The following MED13L variants were observed in gnomAD, a reference collection of about 807,000 sequenced individuals.
MED13L encodes mediator of RNA polymerase II transcription subunit 13-like.
MED13L carries 7 observed loss-of-function variants against 220.9 expected under a neutral mutation model. That is an observed-to-expected ratio of 0.03 (90% CI 0.02 to 0.06). MED13L has a LOEUF of 0.06. Ranked by LOEUF, MED13L falls within the 10% of genes least tolerant of loss-of-function variation. The pLI, the probability that MED13L is intolerant of heterozygous loss-of-function variation, is 1.00. For missense variants in MED13L, 1,965 were observed against 2,760.5 expected, an observed-to-expected ratio of 0.71 and a Z score of 6.46; for synonymous variants, 1,011 against 1,015.2, an observed-to-expected ratio of 1.00 and a Z score of 0.08.
At chr12:116,031,705 GAA>G (rs1373733503) in intron 4 of MED13L, among the ~76,000 whole-genome samples, 3 of 32,980 alleles carry the variant, frequency 9.1e-5, no homozygotes, top group African/African-American at 2.9e-4. Context: ...GAAAAGAAAA[GAA>G]AAGAAAAGAA....
intron 14 of MED13L, among the ~76,000 whole-genome samples, chr12:116,000,045 AGT>A (rs1470896649): frequency 2.0e-5 from 3 of 152,250 alleles, no homozygotes. Flanking sequence ...TATGCTCAGA[AGT>A]GAACACTTTG....
intron 2 of MED13L, among the ~76,000 whole-genome samples, chr12:116,156,585 G>T (rs1429256119): frequency 1.3e-5 from 2 of 151,978 alleles, no homozygotes; most frequent in African/African-American, 4.8e-5. Flanking sequence ...ATGCATCAAA[G>T]GTATAAACTA....
At chr12:115,973,755 C>G (rs1462285870) in intron 25 of MED13L, among the ~76,000 whole-genome samples, 6 of 152,082 alleles carry the variant, frequency 3.9e-5, no homozygotes, top group African/African-American at 1.4e-4. Flanking sequence ...GACCTCCAGG[C>G]TCTTGATACA....
chr12:115,974,758 A>G (rs969744563), intron 25 of MED13L, among the ~76,000 whole-genome samples: 3 of 152,186 alleles, frequency 2.0e-5, no homozygotes, highest in Non-Finnish European at 2.9e-5. Flanking sequence ...AAAACTAAAG[A>G]AACACAAAAC....
chr12:116,130,683 G>A (rs984557909), intron 2 of MED13L, among the ~76,000 whole-genome samples: 1 of 150,404 alleles, frequency 6.6e-6, no homozygotes, highest in Non-Finnish European at 1.5e-5. Flanking sequence ...TTCCTGTGAT[G>A]TACTGTATGG....
intron 2 of MED13L, among the ~76,000 whole-genome samples, chr12:116,159,786 A>G (rs537441304): frequency 1.3e-5 from 2 of 150,736 alleles, no homozygotes; most frequent in Non-Finnish European, 2.9e-5. Context: ...ATTTAATTCC[A>G]TAACAGCTTC....
At chr12:115,985,692 T>C (rs1248974453) in intron 19 of MED13L, among the ~76,000 whole-genome samples, 2 of 152,224 alleles carry the variant, frequency 1.3e-5, no homozygotes, top group Non-Finnish European at 2.9e-5. Context: ...ATACTAAAGA[T>C]GTAAAATTAT....
intron 23 of MED13L, chr12:115,980,363 C>CT (rs1263542808): frequency 4.8e-6 from 1 of 207,954 alleles, no homozygotes; most frequent in African/African-American, 2.3e-5. Context: ...CAGGGTCTTG[C>CT]TCTCCAGGCG....
At chr12:116,081,504 T>C (rs1243157661) in intron 4 of MED13L, among the ~76,000 whole-genome samples, 1 of 152,176 alleles carries the variant, frequency 6.6e-6, no homozygotes, top group Non-Finnish European at 1.5e-5. Flanking sequence ...TACTCCTGTA[T>C]TAAAATAGTG....
chr12:116,161,247 G>C (rs2138136956), intron 2 of MED13L, among the ~76,000 whole-genome samples: 1 of 152,208 alleles, frequency 6.6e-6, no homozygotes, highest in South Asian at 2.1e-4. Context: ...ACAAACTTTG[G>C]AGAACACATT....
At chr12:116,211,477 C>A (rs886529731) in intron 2 of MED13L, among the ~76,000 whole-genome samples, 2 of 151,882 alleles carry the variant, frequency 1.3e-5, no homozygotes, top group African/African-American at 4.8e-5. Flanking sequence ...CTCAGAGGGG[C>A]CTGAACTCAA....
intron 22 of MED13L, 94 bp from the exon 23 acceptor site, chr12:115,981,032 G>T: frequency 1.9e-6 from 2 of 1,044,338 alleles, no homozygotes; most frequent in Non-Finnish European, 2.8e-6. Flanking sequence ...GAAACGGCAT[G>T]AATTCCTTAC....
intron 23 of MED13L, among the ~76,000 whole-genome samples, chr12:115,977,471 GA>G (rs1448292170): frequency 6.6e-6 from 1 of 152,174 alleles, no homozygotes; most frequent in African/African-American, 2.4e-5. Flanking sequence ...TCAAGAGAAA[GA>G]AATATTATGT....
chr12:116,161,390 T>C (rs924126899), intron 2 of MED13L, among the ~76,000 whole-genome samples: 1 of 152,124 alleles, frequency 6.6e-6, no homozygotes, highest in African/African-American at 2.4e-5. Flanking sequence ...ATATATACAC[T>C]TCCCAACCAC....
chr12:116,152,636 A>G (rs536899676), intron 2 of MED13L, among the ~76,000 whole-genome samples: 5 of 152,230 alleles, frequency 3.3e-5, no homozygotes, highest in East Asian at 3.9e-4. Context: ...CGTGGGGGGG[A>G]AAGCAACCAA....
chr12:116,261,023 A>G (rs1363379043), intron 1 of MED13L, among the ~76,000 whole-genome samples: 1 of 152,020 alleles, frequency 6.6e-6, no homozygotes, highest in African/African-American at 2.4e-5. Flanking sequence ...CCCATTTCTT[A>G]TAACTAAACT....
At chr12:116,274,665 TAATTA>T (rs1173816036) in intron 1 of MED13L, among the ~76,000 whole-genome samples, 2 of 152,006 alleles carry the variant, frequency 1.3e-5, no homozygotes, top group Non-Finnish European at 2.9e-5. Context: ...GTCAGCAGTT[TAATTA>T]ATTTACATTT....
At chr12:116,039,963 G>C (rs897516549) in intron 4 of MED13L, among the ~76,000 whole-genome samples, 3 of 152,140 alleles carry the variant, frequency 2.0e-5, no homozygotes, top group African/African-American at 7.2e-5. Flanking sequence ...GTGAGTGTGA[G>C]AGACTGCAGA....
chr12:116,007,638 TAA>T lies in MED13L; in HGVS notation c.2013-4_2013-3del. On this transcript the variant is annotated splice_polypyrimidine_tract_variant and splice_region_variant and intron_variant, in intron 10 of 30. Coordinates refer to ENST00000281928, the MANE Select transcript of MED13L (RefSeq NM_015335.5). ...CGTTTGTTAGGTTGTGCTAAGAGTC[TAA>T]AAGACAAAAAAAAAAAAAAAAAAAA... The T allele has an allele frequency of 4.2e-6, 2 of 477,354 alleles. No individual in the cohort carries two copies. The highest frequency in any genetic ancestry group is 6.3e-4 in the Middle Eastern group (1 of 1,578). The allele number at this position is 477,354 out of a possible 1,614,324, so 29.6% of individuals were successfully genotyped here. A position where few individuals can be genotyped will look rare whatever the true frequency, so the allele number is the denominator to read the frequency against.
Sources: gnomAD v4.1 joint callset for allele counts (sites outside exome capture counted in the v4.1 genomes callset) on GRCh38, gnomAD v4.1.1 for gene constraint, MANE v1.5 for transcripts, NCBI Gene and HGNC (gene_info 2026-07-23, HGNC 2026-07-21) for gene names.